Variants in LIMCH1 observed in about 807,000 individuals in gnomAD.
LIMCH1 encodes LIM and calponin homology domains 1.
A neutral mutation model predicts 176.5 loss-of-function variants in LIMCH1; 113 were observed. That is an observed-to-expected ratio of 0.64 (90% CI 0.55 to 0.75). The LOEUF (loss-of-function observed/expected upper bound fraction) is 0.75. Among genes scored for constraint, LIMCH1 ranks in the 30% least tolerant of loss-of-function variants. LIMCH1 has a pLI of 0.00. For synonymous variants in LIMCH1, 619 were observed against 645.9 expected (o/e 0.96, Z 0.63); for missense variants, 1,674 against 1,814.9 (o/e 0.92, Z 1.41).
chr4:41,634,965 A>G (rs1217236786), intron 13 of LIMCH1, among the ~76,000 whole-genome samples: 6 of 152,318 alleles, frequency 3.9e-5, no homozygotes, highest in African/African-American at 1.4e-4. Flanking sequence ...AGTTAGAATG[A>G]AAGGAAAGAA....
At chr4:41,674,214 C>G (rs992619910) in intron 22 of LIMCH1, among the ~76,000 whole-genome samples, 1 of 152,120 alleles carries the variant, frequency 6.6e-6, no homozygotes, top group African/African-American at 2.4e-5. Flanking sequence ...CCTATCTGCC[C>G]ACTCCTTACT....
intron 22 of LIMCH1, among the ~76,000 whole-genome samples, chr4:41,671,858 C>A (rs187442182): frequency 8.7e-6 from 1 of 114,790 alleles, no homozygotes; most frequent in East Asian, 2.5e-4. Context: ...GCACTCCAGT[C>A]TGGGTGACAG....
At chr4:41,382,037 C>CTCCA (rs1448024135) in intron 1 of LIMCH1, among the ~76,000 whole-genome samples, 1 of 152,248 alleles carries the variant, frequency 6.6e-6, no homozygotes, top group Non-Finnish European at 1.5e-5. Context: ...AGAACTTGTG[C>CTCCA]TCCAGACTTA....
intron 1 of LIMCH1, among the ~76,000 whole-genome samples, chr4:41,444,313 TACACACACACACACACAC>T (rs71198657): frequency 8.9e-5 from 12 of 134,212 alleles, no homozygotes; most frequent in South Asian, 4.7e-4. Flanking sequence ...TGTATATATA[TACACACACACACACACAC>T]ACACACACAC....
chr4:41,439,663 G>T (rs2062488349), intron 1 of LIMCH1, among the ~76,000 whole-genome samples: 1 of 152,074 alleles, frequency 6.6e-6, no homozygotes, highest in South Asian at 2.1e-4. Flanking sequence ...CCAGCACTTT[G>T]GGAGGCTGAG....
chr4:41,634,887 T>C (rs1310843278), intron 13 of LIMCH1, among the ~76,000 whole-genome samples: 1 of 152,070 alleles, frequency 6.6e-6, no homozygotes, highest in Non-Finnish European at 1.5e-5. Context: ...GTGAAGTGGG[T>C]CCTCCACAGT....
rs1357349684 is a variant in LIMCH1 at position 41,699,392 on chromosome 4, CA to C, written c.*2208del. ...TCCCATAATGAACACTAGTCACCAG[CA>C]CAGAATAATCTCCAACATTTTCTAA... On this transcript the variant is annotated 3_prime_UTR_variant, in exon 32 of 32. Transcript: ENST00000503057. 2.0e-5 allele frequency: 3 copies of C among 152,136 alleles called. No individual in the cohort carries two copies. The highest frequency in any genetic ancestry group is 7.2e-5 in the African/African-American group (3 of 41,416). 9.4% of individuals were successfully genotyped at this position (152,136 alleles called of 1,614,324 possible).
chr4:41,366,773 A>T (rs1395182531), intron 1 of LIMCH1, among the ~76,000 whole-genome samples: 1 of 152,236 alleles, frequency 6.6e-6, no homozygotes, highest in Non-Finnish European at 1.5e-5. Context: ...ATAAAATTCC[A>T]TGTTTGCAAT....
At position 41,384,135 on chromosome 4, in the gene LIMCH1, T is replaced by G. The variant is rs536838373; in HGVS notation, c.96+23199T>G. On this transcript the variant is annotated intron_variant, in intron 1 of 26. Transcript: ENST00000313860. ...TAGAATGGTGGGGCAGAAGCCAGAC[T>G]GCAGGGGGCTGAGCAGTGAGTGGGA... Among the ~76,000 whole-genome samples the G allele has an allele frequency of 4.6e-5, 7 of 152,076 alleles. No homozygotes were observed. In the South Asian group the frequency reaches 1.5e-3, roughly 32 times the overall value.
chr4:41,485,551 C>G (rs1322352372), intron 1 of LIMCH1, among the ~76,000 whole-genome samples: 2 of 152,168 alleles, frequency 1.3e-5, no homozygotes, highest in East Asian at 3.9e-4. Context: ...TTCTGAGGGT[C>G]CCCTTTAATG....
At chr4:41,682,265 GC>G in intron 25 of LIMCH1, 67 bp from the exon 26 acceptor site, 1 of 1,169,030 alleles carries the variant, frequency 8.6e-7, no homozygotes, top group Non-Finnish European at 1.2e-6. Flanking sequence ...AATATCCCTG[GC>G]CAGAGATAAG....
At chr4:41,547,906 G>C (rs1259931328) in intron 1 of LIMCH1, among the ~76,000 whole-genome samples, 5 of 122,304 alleles carry the variant, frequency 4.1e-5, no homozygotes, top group African/African-American at 1.2e-4. Flanking sequence ...TAAACAGTGA[G>C]TACATTACCT....
At chr4:41,524,474 G>T in exon 3 of LIMCH1, 2 of 1,611,760 alleles carry the variant, frequency 1.2e-6, no homozygotes, top group Non-Finnish European at 1.7e-6. Flanking sequence ...CCCATTGCAG[G>T]ACTGGTGAGT....
chr4:41,605,743 T>C (rs2090610873), intron 3 of LIMCH1, 151 bp from the exon 4 acceptor site: 1 of 409,028 alleles, frequency 2.4e-6, no homozygotes, highest in African/African-American at 2.1e-5. Flanking sequence ...TGATTTTACA[T>C]TTAATGGATA....
At chr4:41,540,905 C>T (rs1207686417) in intron 1 of LIMCH1, among the ~76,000 whole-genome samples, 3 of 152,136 alleles carry the variant, frequency 2.0e-5, no homozygotes, top group African/African-American at 7.2e-5. Context: ...AATTCAATGG[C>T]TCAGCGAACA....
intron 18 of LIMCH1, among the ~76,000 whole-genome samples, chr4:41,657,312 C>T (rs1018737021): frequency 2.6e-5 from 4 of 152,222 alleles, no homozygotes; most frequent in East Asian, 1.9e-4. Context: ...TCCATCAAGG[C>T]GGGTTTGTTT....
chr4:41,642,173 C>T (rs2093849865), intron 14 of LIMCH1, among the ~76,000 whole-genome samples: 1 of 152,204 alleles, frequency 6.6e-6, no homozygotes, highest in South Asian at 2.1e-4. Flanking sequence ...GACCTCTTTT[C>T]TCTCCCATAA....
chr4:41,477,989 G>A (rs911281774), intron 1 of LIMCH1, among the ~76,000 whole-genome samples: 3 of 152,124 alleles, frequency 2.0e-5, no homozygotes, highest in Admixed American at 6.5e-5. Context: ...GAACTAAACA[G>A]CTCTTAAAAG....
At chr4:41,487,640 A>AT (rs1170550580) in intron 1 of LIMCH1, among the ~76,000 whole-genome samples, 1 of 146,174 alleles carries the variant, frequency 6.8e-6, no homozygotes, top group Non-Finnish European at 1.5e-5. Context: ...TGGGGCACCA[A>AT]TTTTTTTATA....
Sources: gnomAD v4.1 joint callset for allele counts (sites outside exome capture counted in the v4.1 genomes callset) on GRCh38, gnomAD v4.1.1 for gene constraint, MANE v1.5 for transcripts, NCBI Gene and HGNC (gene_info 2026-07-23, HGNC 2026-07-21) for gene names.